Variants in LRRC28 observed in about 807,000 individuals in gnomAD.
LRRC28 encodes the protein leucine rich repeat containing 28, also known as leucine-rich repeat-containing protein 28.
LRRC28 carries 39 observed loss-of-function variants against 45.7 expected under a neutral mutation model. The observed-to-expected ratio is 0.85, with a 90% CI of 0.66 to 1.12. LRRC28 has a LOEUF of 1.12. Among genes scored for constraint, LRRC28 ranks in the 50% most tolerant of loss-of-function variants. The pLI is 0.00. For missense variants in LRRC28, 435 were observed against 438.5 expected (o/e 0.99, Z 0.07); for synonymous variants, 206 against 178.8 (o/e 1.15, Z -1.22).
intron 2 of LRRC28, among the ~76,000 whole-genome samples, chr15:99,264,761 CT>C (rs1196715558): frequency 6.6e-6 from 1 of 151,102 alleles, no homozygotes; most frequent in Non-Finnish European, 1.5e-5. Context: ...CTTTTCCCCC[CT>C]CTCTTCTCTT....
intron 5 of LRRC28, among the ~76,000 whole-genome samples, chr15:99,296,783 C>T (rs2082274701): frequency 6.6e-6 from 1 of 152,090 alleles, no homozygotes; most frequent in Admixed American, 6.6e-5. Flanking sequence ...TGGACCCAGA[C>T]TTAAAGGGAG....
At chr15:99,308,705 A>G (rs1052195157) in intron 5 of LRRC28, among the ~76,000 whole-genome samples, 1 of 152,186 alleles carries the variant, frequency 6.6e-6, no homozygotes, top group Non-Finnish European at 1.5e-5. Flanking sequence ...ATAATCATGT[A>G]CTAGCTTATA....
intron 3 of LRRC28, among the ~76,000 whole-genome samples, chr15:99,278,576 G>T (rs754036127): frequency 5.9e-5 from 9 of 152,218 alleles, no homozygotes; most frequent in Non-Finnish European, 1.2e-4. Flanking sequence ...TGCTGGGAAT[G>T]CCTCTAGGGT....
chr15:99,323,408 C>G (rs8024982), intron 5 of LRRC28, among the ~76,000 whole-genome samples: 16,927 of 152,160 alleles, frequency 0.11, 1,055 homozygotes, highest in African/African-American at 0.17. Context: ...AGGATTCGAT[C>G]CCAATTGTTA....
intron 2 of LRRC28, among the ~76,000 whole-genome samples, chr15:99,274,513 C>T (rs2081565678): frequency 6.6e-6 from 1 of 152,174 alleles, no homozygotes; most frequent in South Asian, 2.1e-4. Flanking sequence ...GTTTAGATCT[C>T]AAATTGTATA....
chr15:99,295,811 A>G (rs1013218255), intron 5 of LRRC28, among the ~76,000 whole-genome samples: 3 of 152,254 alleles, frequency 2.0e-5, no homozygotes, highest in Non-Finnish European at 4.4e-5. Flanking sequence ...AATGTGTACC[A>G]CATATAACCA....
At chr15:99,341,393 G>C (rs940317343) in intron 6 of LRRC28, among the ~76,000 whole-genome samples, 2 of 152,038 alleles carry the variant, frequency 1.3e-5, no homozygotes, top group Admixed American at 1.3e-4. Context: ...CGCCCGGCCT[G>C]TTCTGCTGTC....
chr15:99,372,076 G>C (rs1281360003), intron 9 of LRRC28, among the ~76,000 whole-genome samples: 4 of 152,086 alleles, frequency 2.6e-5, no homozygotes, highest in Non-Finnish European at 5.9e-5. Context: ...CACAAGCTCA[G>C]GATTTTAACT....
rs180950606 is a variant in LRRC28 at position 99,295,036 on chromosome 15, T to C, written c.385+7085T>C. Among the ~76,000 whole-genome samples the C allele has an allele frequency of 3.3e-5, 5 of 152,358 alleles. No individual in the cohort carries two copies. In the South Asian group the frequency reaches 8.3e-4, roughly 25 times the overall value. ...TTCCCTAGATTTTAAGGATTGTAGTTCTGGGTCACCTGTCCATTGCTTGAA... is the reference window on the plus strand; with the variant it reads ...TTCCCTAGATTTTAAGGATTGTAGTCCTGGGTCACCTGTCCATTGCTTGAA... On this transcript the variant is annotated intron_variant, in intron 5 of 9. Transcript: ENST00000301981.
intron 7 of LRRC28, 87 bp downstream of exon 7, chr15:99,352,558 T>G: frequency 9.6e-7 from 1 of 1,042,714 alleles, no homozygotes; most frequent in Non-Finnish European, 1.4e-6. Context: ...CTTGATGATA[T>G]GCTAAACCAG....
rs78119784 is a variant in LRRC28, at chr15:99,264,636, A to G, written c.168+8511A>G. On this transcript the variant is annotated intron_variant, in intron 2 of 9. Coordinates refer to ENST00000301981, the MANE Select transcript of LRRC28 (RefSeq NM_144598.5). ...TGCAGAGAGGACCTCTAGTAAACAG[A>G]TGGGTAGATAGGTTTTGAAGTTTGG... Among the ~76,000 whole-genome samples the G allele has an allele frequency of 3.1e-3, 472 of 152,294 alleles. 2 individuals are homozygous for G. The highest frequency in any genetic ancestry group is 0.01 in the African/African-American group (428 of 41,570).
Position 99,305,118 on chromosome 15 carries a change from C to T in LRRC28, c.385+17167C>T, listed in dbSNP as rs183777194. ...GGCACACGTCAGATCAGCTAGGTGC[C>T]TTTTGCTGTGCTCTAGAGATCATAT... On this transcript the variant is annotated intron_variant, in intron 5 of 9. Coordinates refer to ENST00000301981, the MANE Select transcript of LRRC28 (RefSeq NM_144598.5). Among the ~76,000 whole-genome samples, 205 of 152,208 alleles carry T rather than the reference C, an allele frequency of 1.3e-3. 1 individual carries two copies. The highest frequency in any genetic ancestry group is 0.013 in the South Asian group (61 of 4,818).
At chr15:99,322,378 C>A (rs1005503287) in intron 5 of LRRC28, among the ~76,000 whole-genome samples, 2 of 151,830 alleles carry the variant, frequency 1.3e-5, no homozygotes, top group African/African-American at 4.8e-5. Flanking sequence ...TGGGTTCAGG[C>A]AAGAGATGGT....
At chr15:99,312,097 A>G (rs997116371) in intron 5 of LRRC28, among the ~76,000 whole-genome samples, 2 of 152,224 alleles carry the variant, frequency 1.3e-5, no homozygotes, top group Admixed American at 6.5e-5. Flanking sequence ...AAATATTTCT[A>G]CAGTCACGCA....
At chr15:99,370,643 A>ATT (rs1567705239) in intron 9 of LRRC28, among the ~76,000 whole-genome samples, 1 of 152,248 alleles carries the variant, frequency 6.6e-6, no homozygotes, top group African/African-American at 2.4e-5. Flanking sequence ...AACTGTATAC[A>ATT]TATTAAAAAA....
intron 3 of LRRC28, among the ~76,000 whole-genome samples, chr15:99,278,932 T>G (rs2152183090): frequency 1.3e-5 from 2 of 152,342 alleles, no homozygotes; most frequent in Middle Eastern, 6.8e-3. Flanking sequence ...AGGACTCCAT[T>G]TCTTGCTTGA....
At chr15:99,276,655 A>G (rs12914665) in intron 3 of LRRC28, 39 bp downstream of exon 3, 140,181 of 1,439,716 alleles carry the variant, frequency 0.097, 9,125 homozygotes, top group East Asian at 0.35. Context: ...GACAAGAATG[A>G]AAATAATTCT....
chr15:99,325,511 A>G (rs1955943920), intron 5 of LRRC28, among the ~76,000 whole-genome samples: 1 of 152,138 alleles, frequency 6.6e-6, no homozygotes, highest in African/African-American at 2.4e-5. Flanking sequence ...TGTAGGCACA[A>G]GGGGGATTTA....
At position 99,255,686 on chromosome 15, in the gene LRRC28, A is replaced by G. The variant is rs140396361; in HGVS notation, c.-60-212A>G. On this transcript the variant is annotated intron_variant, in intron 1 of 9. Coordinates refer to ENST00000301981, the MANE Select transcript of LRRC28 (RefSeq NM_144598.5). Reference sequence around the variant, plus strand: ...GGACTATTTCTAATAAGTAATAAATATTGCTTAATCAGAGTATTTTTATTA... The same window carrying G: ...GGACTATTTCTAATAAGTAATAAATGTTGCTTAATCAGAGTATTTTTATTA... 7.5e-3 allele frequency among the ~76,000 whole-genome samples: 1,142 copies of G among 152,320 alleles called. 17 individuals are homozygous for G. The highest frequency in any genetic ancestry group is 0.026 in the African/African-American group (1,070 of 41,574).
Sources: gnomAD v4.1 joint callset for allele counts (sites outside exome capture counted in the v4.1 genomes callset) on GRCh38, gnomAD v4.1.1 for gene constraint, MANE v1.5 for transcripts, NCBI Gene and HGNC (gene_info 2026-07-23, HGNC 2026-07-21) for gene names.